Variants in ETNK1 observed in about 807,000 individuals in gnomAD.
ETNK1 encodes ethanolamine kinase 1, also known as putative protein product of Nbla10396.
In ETNK1, 8 loss-of-function variants were observed where a neutral mutation model predicts 45.1. The ratio of observed to expected loss-of-function variants is 0.18; its 90% CI spans 0.10 to 0.32. The LOEUF (loss-of-function observed/expected upper bound fraction) is 0.32. Among genes scored for constraint, ETNK1 ranks in the 10% least tolerant of loss-of-function variants. The probability of loss-of-function intolerance (pLI) is 1.00; values close to 1 mark genes in which losing one functional copy is unlikely to be tolerated. For synonymous variants in ETNK1, 152 were observed against 151.9 expected (o/e 1.00, Z -0.01); for missense variants, 302 against 430.6 (o/e 0.70, Z 2.64).
At chr12:22,676,197 C>T (rs954952239) in intron 6 of ETNK1, among the ~76,000 whole-genome samples, 1 of 152,064 alleles carries the variant, frequency 6.6e-6, no homozygotes, top group Non-Finnish European at 1.5e-5. Flanking sequence ...GTGTGATGTT[C>T]CCCTCCCTGT....
At chr12:22,630,623 T>G (rs769934731) in intron 1 of ETNK1, among the ~76,000 whole-genome samples, 1 of 151,964 alleles carries the variant, frequency 6.6e-6, no homozygotes, top group Non-Finnish European at 1.5e-5. Context: ...TTTTATTTTA[T>G]TTTTTTTGAG....
At chr12:22,641,880 T>A (rs1448134279) in intron 1 of ETNK1, among the ~76,000 whole-genome samples, 1 of 152,208 alleles carries the variant, frequency 6.6e-6, no homozygotes, top group East Asian at 1.9e-4. Flanking sequence ...GTTGTGACAC[T>A]GTGTCTTCTT....
Position 22,665,525 on chromosome 12 carries a change from G to C in ETNK1, c.700+4320G>C, listed in dbSNP as rs538298151. 4.5e-4 allele frequency among the ~76,000 whole-genome samples: 69 copies of C among 152,230 alleles called. No individual in the cohort carries two copies. In the South Asian group the frequency reaches 0.013, roughly 30 times the overall value. Reference sequence around the variant, plus strand: ...TTGTAGCTATTATACTAACATAGGGGTTGGCAAACATTTTCTGTAAGGGGC... The same window carrying C: ...TTGTAGCTATTATACTAACATAGGGCTTGGCAAACATTTTCTGTAAGGGGC... On this transcript the variant is annotated intron_variant, in intron 4 of 7. Coordinates refer to ENST00000266517, the MANE Select transcript of ETNK1 (RefSeq NM_018638.5).
intron 4 of ETNK1, 78 bp from the exon 5 acceptor site, chr12:22,671,194 A>G: frequency 1.0e-6 from 1 of 995,522 alleles, no homozygotes; most frequent in Non-Finnish European, 1.6e-6. Context: ...ATTGGAAGCT[A>G]TTTAATTACA....
At chr12:22,655,120 C>T (rs1013426420) in intron 2 of ETNK1, among the ~76,000 whole-genome samples, 1 of 152,126 alleles carries the variant, frequency 6.6e-6, no homozygotes, top group African/African-American at 2.4e-5. Context: ...GTGCCTGCCA[C>T]CACATCCGGC....
At chr12:22,631,236 G>A (rs1465867891) in intron 1 of ETNK1, among the ~76,000 whole-genome samples, 3 of 151,400 alleles carry the variant, frequency 2.0e-5, no homozygotes, top group Admixed American at 2.0e-4. Flanking sequence ...GTGCAATGGC[G>A]TGATCTCGGC....
intron 6 of ETNK1, among the ~76,000 whole-genome samples, chr12:22,680,313 T>C (rs550247943): frequency 6.6e-6 from 1 of 152,326 alleles, no homozygotes; most frequent in East Asian, 1.9e-4. Flanking sequence ...TTGTTTTTCC[T>C]GTCTTTCATT....
chr12:22,668,125 A>T (rs564393045), intron 4 of ETNK1, among the ~76,000 whole-genome samples: 1 of 152,294 alleles, frequency 6.6e-6, no homozygotes, highest in South Asian at 2.1e-4. Context: ...TCCCTTGAGA[A>T]TCTGAAAAAT....
intron 3 of ETNK1, among the ~76,000 whole-genome samples, chr12:22,659,449 T>G (rs1327878331): frequency 6.6e-6 from 1 of 152,116 alleles, no homozygotes; most frequent in African/African-American, 2.4e-5. Flanking sequence ...GCAAGATTTT[T>G]CTTGACTTTT....
At chr12:22,655,941 A>G (rs1168353388) in intron 2 of ETNK1, among the ~76,000 whole-genome samples, 2 of 152,226 alleles carry the variant, frequency 1.3e-5, no homozygotes, top group Non-Finnish European at 2.9e-5. Flanking sequence ...ATAGTGATAC[A>G]ACTTGGCCTT....
intron 1 of ETNK1, among the ~76,000 whole-genome samples, chr12:22,639,642 A>T (rs1953709454): frequency 6.6e-6 from 1 of 151,514 alleles, no homozygotes; most frequent in South Asian, 2.1e-4. Flanking sequence ...GTGCCACTTC[A>T]CTCCAACCTG....
chr12:22,662,330 C>T (rs1378694441), intron 4 of ETNK1, among the ~76,000 whole-genome samples: 17 of 149,854 alleles, frequency 1.1e-4, no homozygotes, highest in East Asian at 3.9e-4. Context: ...CCAGGTGATC[C>T]GCCCACCTCG....
chr12:22,645,392 T>C (rs1953794897), intron 2 of ETNK1, among the ~76,000 whole-genome samples: 1 of 151,832 alleles, frequency 6.6e-6, no homozygotes, highest in Non-Finnish European at 1.5e-5. Context: ...AAAATAATTA[T>C]AGTTTTTGAT....
chr12:22,632,453 A>G (rs1040332123), intron 1 of ETNK1, among the ~76,000 whole-genome samples: 28 of 151,996 alleles, frequency 1.8e-4, no homozygotes, highest in African/African-American at 6.8e-4. Flanking sequence ...CAAACCTAAT[A>G]TTTGATGATC....
chr12:22,662,873 G>T (rs1299113115), intron 4 of ETNK1, among the ~76,000 whole-genome samples: 1 of 152,152 alleles, frequency 6.6e-6, no homozygotes, highest in African/African-American at 2.4e-5. Context: ...AAATACAAAG[G>T]TTGATAGATA....
intron 6 of ETNK1, among the ~76,000 whole-genome samples, chr12:22,677,819 T>C (rs893716809): frequency 6.6e-6 from 1 of 152,212 alleles, no homozygotes; most frequent in Non-Finnish European, 1.5e-5. Flanking sequence ...TTGTCTGTTA[T>C]TGGTGTATGG....
chr12:22,627,150 A>ATT (rs146943602), intron 1 of ETNK1, among the ~76,000 whole-genome samples: 14 of 150,468 alleles, frequency 9.3e-5, no homozygotes, highest in Admixed American at 6.6e-5. Flanking sequence ...TAGTTAAATT[A>ATT]TTTTTTTTTT....
At position 22,625,250 on chromosome 12, in the gene ETNK1, C is replaced by A. The variant is rs1434311430; in HGVS notation, c.-181C>A. ...GGCTCAGTTCAGCTGCTGTCCAGAC[C>A]CGGATCGGCAACAGTGCCGCCTCCA... On this transcript the variant is annotated 5_prime_UTR_variant, in exon 1 of 8. Coordinates refer to ENST00000266517, the MANE Select transcript of ETNK1 (RefSeq NM_018638.5). 1 of 1,611,862 alleles carries A rather than the reference C, an allele frequency of 6.2e-7. No individual in the cohort carries two copies. The highest frequency in any genetic ancestry group is 1.7e-5 in the Admixed American group (1 of 59,950).
chr12:22,625,738 C>A, intron 1 of ETNK1, 152 bp downstream of exon 1: 1 of 1,131,178 alleles, frequency 8.8e-7, no homozygotes, highest in Non-Finnish European at 1.3e-6. Context: ...TTTCCCCTCA[C>A]ACCTAGGAGG....
Sources: gnomAD v4.1 joint callset for allele counts (sites outside exome capture counted in the v4.1 genomes callset) on GRCh38, gnomAD v4.1.1 for gene constraint, MANE v1.5 for transcripts, NCBI Gene and HGNC (gene_info 2026-07-23, HGNC 2026-07-21) for gene names.